Variants in ZNF710 observed in about 807,000 individuals in gnomAD.
The protein encoded by ZNF710 is zinc finger protein 710.
In ZNF710, 13 loss-of-function variants were observed where a neutral mutation model predicts 50.6. The observed-to-expected ratio is 0.26, with a 90% CI of 0.17 to 0.41. The LOEUF is 0.41. Among genes scored for constraint, ZNF710 ranks in the 10% least tolerant of loss-of-function variants. ZNF710 has a pLI of 1.00. For synonymous variants in ZNF710, 383 were observed against 397.0 expected, an observed-to-expected ratio of 0.96 and a Z score of 0.42; for missense variants, 721 against 936.6, an observed-to-expected ratio of 0.77 and a Z score of 3.01.
intron 1 of ZNF710, among the ~76,000 whole-genome samples, chr15:90,011,419 A>G (rs1020775710): frequency 1.2e-4 from 19 of 152,226 alleles, no homozygotes; most frequent in Non-Finnish European, 8.8e-5. Flanking sequence ...TGAAAGGCAG[A>G]CTGTGTAATG....
At chr15:90,076,334 T>G (rs1226021763) in intron 4 of ZNF710, 9 of 152,238 alleles carry the variant, frequency 5.9e-5, no homozygotes. Context: ...AGAGCTGTAT[T>G]CTAGTGGATC....
chr15:90,032,775 CAAA>C (rs35943176), intron 1 of ZNF710, among the ~76,000 whole-genome samples: 68,958 of 110,534 alleles, frequency 0.62, 18,415 homozygotes, highest in African/African-American at 0.68. Flanking sequence ...GATTCCATCT[CAAA>C]AAAAAAAAAA....
In ZNF710 at chr15:90,074,734, T is replaced by C. The variant is rs1427429490; in HGVS notation, c.1825+444T>C. The C allele has an allele frequency of 3.2e-5, 11 of 346,246 alleles. 1 individual carries two copies. The highest frequency in any genetic ancestry group is 2.3e-4 in the South Asian group (10 of 44,072). The allele number at this position is 346,246 out of a possible 1,614,324, so 21.4% of individuals were successfully genotyped here. On this transcript the variant is annotated intron_variant, in intron 4 of 4. Coordinates refer to ENST00000268154, the MANE Select transcript of ZNF710 (RefSeq NM_198526.4). ...TGAGATAATATTTCAAATAAGTGTA[T>C]GGGAAAGAAAGTTAGAAAGGGGAAA...
intron 1 of ZNF710, among the ~76,000 whole-genome samples, chr15:90,064,488 T>C (rs1172374316): frequency 6.6e-6 from 1 of 152,146 alleles, no homozygotes; most frequent in Non-Finnish European, 1.5e-5. Flanking sequence ...ATAATAATGG[T>C]TCTTTTTTTC....
At chr15:90,078,512 CG>C (rs1459400620) in intron 4 of ZNF710, among the ~76,000 whole-genome samples, 1 of 152,188 alleles carries the variant, frequency 6.6e-6, no homozygotes, top group Non-Finnish European at 1.5e-5. Context: ...GATTGGGTCA[CG>C]TGCCTATTCC....
chr15:90,004,204 T>A (rs1234161399), intron 1 of ZNF710, among the ~76,000 whole-genome samples: 1 of 152,088 alleles, frequency 6.6e-6, no homozygotes, highest in Non-Finnish European at 1.5e-5. Flanking sequence ...GGTTTTTGAG[T>A]TGGAGGAAGG....
Position 90,073,061 on chromosome 15 carries a change from C to A in ZNF710, c.1459-10C>A, listed in dbSNP as rs1254973348. ...TTGTGTGGCCCTGACCATCACCCCC[C>A]ACCCCACAGGGCGTGAAGGAGTTCA... On this transcript the variant is annotated splice_polypyrimidine_tract_variant and intron_variant, in intron 2 of 4. Coordinates refer to ENST00000268154, the MANE Select transcript of ZNF710 (RefSeq NM_198526.4). 3.1e-6 allele frequency: 5 copies of A among 1,610,656 alleles called. No homozygotes were observed. The highest frequency in any genetic ancestry group is 1.7e-5 in the Admixed American group (1 of 59,914).
At position 90,004,254 on chromosome 15, in the gene ZNF710, T is replaced by C. The variant is rs2151455349; in HGVS notation, c.-29+2640T>C. Reference sequence around the variant, plus strand: ...CACCAGAGATTTTGCACTTCTATTTTAGGTTTGCCTTGTGGCCCAGAGATA... The same window carrying C: ...CACCAGAGATTTTGCACTTCTATTTCAGGTTTGCCTTGTGGCCCAGAGATA... On this transcript the variant is annotated intron_variant, in intron 1 of 4. Coordinates refer to ENST00000268154, the MANE Select transcript of ZNF710 (RefSeq NM_198526.4). Among the ~76,000 whole-genome samples the C allele has an allele frequency of 2.6e-5, 4 of 152,324 alleles. No individual in the cohort carries two copies. In the Middle Eastern group the frequency reaches 0.01, roughly 389 times the overall value.
intron 2 of ZNF710, among the ~76,000 whole-genome samples, chr15:90,069,449 A>G (rs1427041320): frequency 2.0e-5 from 3 of 151,872 alleles, no homozygotes; most frequent in African/African-American, 4.8e-5. Flanking sequence ...GCAAGACCCA[A>G]GGAACACAGT....
At chr15:90,077,910 A>AAAAG (rs146909417) in intron 4 of ZNF710, among the ~76,000 whole-genome samples, 59,544 of 151,216 alleles carry the variant, frequency 0.39, 12,159 homozygotes, top group East Asian at 0.66. Context: ...CCTTGTCAAA[A>AAAAG]AAAGAAAAGA....
rs112532947 is a variant in ZNF710, at chr15:90,070,028, G to T, written c.1458+1433G>T. On this transcript the variant is annotated intron_variant, in intron 2 of 4. Coordinates refer to ENST00000268154, the MANE Select transcript of ZNF710 (RefSeq NM_198526.4). ...CATAGAGCTTCCTCTCCCCATAACG[G>T]TGGCCTATGAGTGATACTCCAGGTC... 9.5e-3 allele frequency among the ~76,000 whole-genome samples: 1,449 copies of T among 152,226 alleles called. 11 individuals are homozygous for T. Among genetic ancestry groups the T allele is most frequent in the Non-Finnish European group, 0.016 (1,115 of 68,006 alleles).
In ZNF710 at chr15:90,033,844, C is replaced by T. The variant is rs113898572; in HGVS notation, c.-29+32230C>T. 1.1e-4 allele frequency among the ~76,000 whole-genome samples: 17 copies of T among 152,266 alleles called. 1 individual carries two copies. The highest frequency in any genetic ancestry group is 2.9e-4 in the African/African-American group (12 of 41,560). ...GTCCTGCCTGGCCTGGGTATGGAAA[C>T]GTGGGCGCTACCAGCTGTGCAAGCT... On this transcript the variant is annotated intron_variant, in intron 1 of 4. Coordinates refer to ENST00000268154, the MANE Select transcript of ZNF710 (RefSeq NM_198526.4).
At chr15:90,071,528 T>C (rs1900384470) in intron 2 of ZNF710, among the ~76,000 whole-genome samples, 1 of 152,070 alleles carries the variant, frequency 6.6e-6, no homozygotes, top group South Asian at 2.1e-4. Flanking sequence ...CATTAAGTTA[T>C]AATACAAAGT....
In ZNF710 at chr15:90,078,464, A is replaced by T. The variant is rs1900646249; in HGVS notation, c.1826-1196A>T. ...TGACACCAATGAGAAGGTGCTAAGA[A>T]CTTACTAGCAGGCCTTTCCTCATGA... On this transcript the variant is annotated intron_variant, in intron 4 of 4. Coordinates refer to ENST00000268154, the MANE Select transcript of ZNF710 (RefSeq NM_198526.4). Among the ~76,000 whole-genome samples, 4 of 152,318 alleles carry T rather than the reference A, an allele frequency of 2.6e-5. No homozygotes were observed. The South Asian group carries it at 6.2e-4, about 24-fold the overall frequency.
At chr15:90,033,418 G>A (rs532520008) in intron 1 of ZNF710, among the ~76,000 whole-genome samples, 4 of 152,292 alleles carry the variant, frequency 2.6e-5, no homozygotes, top group Admixed American at 1.3e-4. Context: ...GAGAAGAGTT[G>A]GACAGGCAGA....
chr15:90,037,759 A>G (rs913474914), intron 1 of ZNF710, among the ~76,000 whole-genome samples: 5 of 152,224 alleles, frequency 3.3e-5, no homozygotes, highest in African/African-American at 1.2e-4. Context: ...GTGGGGTGCC[A>G]GAATCTGTGC....
At chr15:90,001,099 G>A (rs1897999539), upstream of ZNF710, among the ~76,000 whole-genome samples, 1 of 152,136 alleles carries the variant, frequency 6.6e-6, no homozygotes, top group African/African-American at 2.4e-5. Context: ...AAGAAAGGAG[G>A]AAGAAGGAAG....
chr15:90,040,929 C>T lies in ZNF710; in HGVS notation c.-28-26181C>T, dbSNP rs997344704. Among the ~76,000 whole-genome samples the T allele has an allele frequency of 2.0e-5, 3 of 152,176 alleles. No homozygotes were observed. The highest frequency in any genetic ancestry group is 7.2e-5 in the African/African-American group (3 of 41,452). On this transcript the variant is annotated intron_variant, in intron 1 of 4. Transcript: ENST00000268154. This position sits in a 1 kb window ranked among gnomAD's most constrained non-coding sequence, Gnocchi z 4.6. ...TCCTCTCTTAGTTTTATCATTAGGT[C>T]GCAATTTTGGGTTAAGCCCACAGTA... is the stretch of plus-strand genomic sequence containing the variant.
chr15:90,022,333 G>A (rs1166206323), intron 1 of ZNF710, among the ~76,000 whole-genome samples: 18 of 152,130 alleles, frequency 1.2e-4, no homozygotes, highest in Non-Finnish European at 1.9e-4. Context: ...CCGAGATTGC[G>A]CCACTGCACT....
Sources: allele counts gnomAD v4.1 joint callset (sites outside exome capture counted in the v4.1 genomes callset), GRCh38; gene constraint gnomAD v4.1.1; non-coding constraint Gnocchi (gnomAD v3.1); transcripts MANE v1.5; gene names NCBI Gene and HGNC (gene_info 2026-07-23, HGNC 2026-07-21).